KIF24: variants seen among roughly 807,000 people sequenced by gnomAD.
KIF24 encodes kinesin-like protein KIF24.
A neutral mutation model predicts 118.9 loss-of-function variants in KIF24; 81 were observed. The ratio of observed to expected loss-of-function variants is 0.68; its 90% CI spans 0.57 to 0.82. The LOEUF is 0.82. Ranked by LOEUF, KIF24 falls within the 40% of genes least tolerant of loss-of-function variation. The pLI, the probability that KIF24 is intolerant of heterozygous loss-of-function variation, is 0.00. For synonymous variants in KIF24, 599 were observed against 610.0 expected, an observed-to-expected ratio of 0.98 and a Z score of 0.27; for missense variants, 1,560 against 1,661.6, an observed-to-expected ratio of 0.94 and a Z score of 1.06.
At chr9:34,292,248 A>G (rs188381705) in intron 4 of KIF24, among the ~76,000 whole-genome samples, 25 of 152,356 alleles carry the variant, frequency 1.6e-4, no homozygotes, top group African/African-American at 6.0e-4. Flanking sequence ...TCAGTGAAAG[A>G]CTGATCAAAG....
intron 1 of KIF24, 131 bp from the exon 2 acceptor site, chr9:34,311,502 A>C: frequency 2.1e-6 from 1 of 475,672 alleles, no homozygotes; most frequent in Non-Finnish European, 3.6e-6. Context: ...AGTTCTCAAT[A>C]ACATATTTTT....
At chr9:34,300,850 C>CAAAAAAAAAAAAAAAAA (rs57919845) in intron 3 of KIF24, among the ~76,000 whole-genome samples, 1 of 105,676 alleles carries the variant, frequency 9.5e-6, no homozygotes, top group Non-Finnish European at 1.8e-5. Flanking sequence ...CGGCATTTCT[C>CAAAAAAAAAAAAAAAAA]AAAAAAAAAA....
At chr9:34,327,300 T>C (rs1004156474) in intron 1 of KIF24, among the ~76,000 whole-genome samples, 2 of 152,098 alleles carry the variant, frequency 1.3e-5, no homozygotes, top group South Asian at 4.1e-4. Context: ...CATAGAATAC[T>C]AGATCTGGAA....
At chr9:34,317,561 T>C (rs187160651) in intron 1 of KIF24, among the ~76,000 whole-genome samples, 1 of 152,332 alleles carries the variant, frequency 6.6e-6, no homozygotes, top group African/African-American at 2.4e-5. Flanking sequence ...TTGTAAGATT[T>C]AAATTGTGCA....
intron 4 of KIF24, among the ~76,000 whole-genome samples, chr9:34,294,573 TA>T (rs1836389144): frequency 1.3e-5 from 2 of 152,168 alleles, no homozygotes; most frequent in South Asian, 4.1e-4. Flanking sequence ...GTTCATACTT[TA>T]TTCATAAAGT....
rs145740016 is a variant in KIF24 at position 34,294,638 on chromosome 9, G to A, written c.911+2379C>T. On this transcript the variant is annotated intron_variant, in intron 4 of 12. Transcript: ENST00000402558. ...TCAACAGGAGAATAGACAAAACAAAGTGTGATAATTTCATAGAAGGGAATA... is the reference window on the plus strand; with the variant it reads ...TCAACAGGAGAATAGACAAAACAAAATGTGATAATTTCATAGAAGGGAATA... Among the ~76,000 whole-genome samples the A allele has an allele frequency of 4.4e-3, 671 of 152,260 alleles. 3 individuals carry two copies. In the Middle Eastern group the frequency reaches 0.048, roughly 11 times the overall value.
At position 34,318,805 on chromosome 9, in the gene KIF24, G is replaced by T; in HGVS notation, c.-25-7434C>A. On this transcript the variant is annotated intron_variant, in intron 1 of 12. Coordinates refer to ENST00000402558, the MANE Select transcript of KIF24 (RefSeq NM_194313.4). The surrounding 1 kb of genome is among the most constrained non-coding windows in gnomAD (Gnocchi z 4.9). ...TGACCTGGAAGCTGTGCAGTCGCCT[G>T]TAGGGACCCAGCTCAGTGAGTTTCG... The T allele has an allele frequency of 6.4e-7, 1 of 1,565,354 alleles. No homozygotes were observed. Among genetic ancestry groups the T allele is most frequent in the Non-Finnish European group, 8.8e-7 (1 of 1,138,022 alleles).
intron 3 of KIF24, 32 bp from the exon 4 acceptor site, chr9:34,297,146 A>G: frequency 3.1e-6 from 4 of 1,284,772 alleles, no homozygotes; most frequent in Non-Finnish European, 4.4e-6. Flanking sequence ...ATGGAAAGAG[A>G]CACATTCTGG....
intron 6 of KIF24, among the ~76,000 whole-genome samples, chr9:34,285,795 A>T (rs1051036336): frequency 3.4e-5 from 5 of 146,790 alleles, no homozygotes; most frequent in South Asian, 2.1e-4. Context: ...AAAAAAAATT[A>T]AAAAAAAATT....
At chr9:34,299,813 TGTGTGTGTGC>T (rs971005284) in intron 3 of KIF24, among the ~76,000 whole-genome samples, 26 of 86,066 alleles carry the variant, frequency 3.0e-4, no homozygotes, top group South Asian at 6.7e-4. Context: ...GATGTGTGTG[TGTGTGTGTGC>T]GTGTGTGTGT....
At chr9:34,317,346 C>T in intron 1 of KIF24, among the ~76,000 whole-genome samples, 1 of 151,442 alleles carries the variant, frequency 6.6e-6, no homozygotes, top group Non-Finnish European at 1.5e-5. Context: ...GCCAAGATCA[C>T]GCCACTGCAC....
At chr9:34,276,273 G>C (rs954246788) in intron 6 of KIF24, among the ~76,000 whole-genome samples, 2 of 151,204 alleles carry the variant, frequency 1.3e-5, no homozygotes, top group Non-Finnish European at 3.0e-5. Flanking sequence ...ATGGTGGTGC[G>C]CACCTGTAAT....
chr9:34,321,491 C>G (rs949472083), intron 1 of KIF24, among the ~76,000 whole-genome samples: 1 of 146,266 alleles, frequency 6.8e-6, no homozygotes, highest in Non-Finnish European at 1.5e-5. Context: ...TACGCATTTG[C>G]AGGAGACAGG....
intron 6 of KIF24, among the ~76,000 whole-genome samples, chr9:34,280,283 CAAAAAAAAAAAAA>C (rs56387532): frequency 1.1e-4 from 7 of 64,454 alleles, no homozygotes; most frequent in Admixed American, 2.3e-4. Flanking sequence ...GACTCCGTCT[CAAAAAAAAAAAAA>C]AAAAAAAAAA....
intron 1 of KIF24, among the ~76,000 whole-genome samples, chr9:34,325,691 GA>G (rs1837651351): frequency 6.6e-6 from 1 of 151,576 alleles, no homozygotes; most frequent in Non-Finnish European, 1.5e-5. Context: ...GACTATCTCA[GA>G]AAAAAATATA....
Position 34,256,971 on chromosome 9 carries a change from C to T in KIF24, c.2636G>A (p.Ser879Asn), listed in dbSNP as rs765184578. ...ATCTTTCTTGTCACCTGTCCTGGGGCTAGAAAACAGACTCTGCTGTCTTTC... is the reference window on the plus strand; with the variant it reads ...ATCTTTCTTGTCACCTGTCCTGGGGTTAGAAAACAGACTCTGCTGTCTTTC... The part of the protein sequence containing the change: ...VAERQQSLFS[S>N]PRTGDKKDLT... Residue 879 changes from serine to asparagine, a missense_variant, in exon 11 of 13, where the codon AGC becomes AAC. This residue lies in a region of KIF24 where 591 missense variants were observed against 655.6 expected (regional missense o/e 0.90). Coordinates refer to ENST00000402558, the MANE Select transcript of KIF24 (RefSeq NM_194313.4). 6.2e-6 allele frequency: 10 copies of T among 1,613,904 alleles called. No homozygotes were observed. The highest frequency in any genetic ancestry group is 8.5e-6 in the Non-Finnish European group (10 of 1,179,912).
Position 34,268,601 on chromosome 9 carries a change from G to C in KIF24, c.1443+656C>G, listed in dbSNP as rs549450879. 1.4e-4 allele frequency among the ~76,000 whole-genome samples: 21 copies of C among 149,374 alleles called. 1 individual carries two copies. The South Asian group carries it at 4.4e-3, about 31-fold the overall frequency. On this transcript the variant is annotated intron_variant, in intron 8 of 12. Coordinates refer to ENST00000402558, the MANE Select transcript of KIF24 (RefSeq NM_194313.4). The stretch of plus-strand genomic sequence containing the variant: ...CGGCTCACTACAACCTCCACCTCCT[G>C]GGTTCAAGCGATTCTCCTGCCTCAG...
intron 1 of KIF24, among the ~76,000 whole-genome samples, chr9:34,317,067 A>G (rs2131824909): frequency 6.6e-6 from 1 of 152,056 alleles, no homozygotes; most frequent in African/African-American, 2.4e-5. Flanking sequence ...ATACAAAACA[A>G]TTAGCTGGGC....
chr9:34,263,217 G>A (rs767761744), intron 8 of KIF24, 45 bp from the exon 9 acceptor site: 2 of 1,420,360 alleles, frequency 1.4e-6, no homozygotes, highest in Non-Finnish European at 2.0e-6. Flanking sequence ...AGTGCAAAGG[G>A]AGAGTAACAG....
Sources: allele counts gnomAD v4.1 joint callset (sites outside exome capture counted in the v4.1 genomes callset), GRCh38; gene constraint gnomAD v4.1.1; regional missense constraint gnomAD v4.1.1; non-coding constraint Gnocchi (gnomAD v3.1); transcripts MANE v1.5; gene names NCBI Gene and HGNC (gene_info 2026-07-23, HGNC 2026-07-21).